Variants in NDUFAF2 observed in about 807,000 individuals in gnomAD.
The protein encoded by NDUFAF2 is NADH dehydrogenase [ubiquinone] 1 alpha subcomplex assembly factor 2.
A neutral mutation model predicts 22.8 loss-of-function variants in NDUFAF2; 13 were observed. The ratio of observed to expected loss-of-function variants is 0.57; its 90% CI spans 0.37 to 0.91. NDUFAF2 has a LOEUF of 0.91. NDUFAF2 is among the 40% of genes least tolerant of loss of function. NDUFAF2 has a pLI of 0.01. For missense variants in NDUFAF2, 162 were observed against 195.2 expected, an observed-to-expected ratio of 0.83 and a Z score of 1.01; for synonymous variants, 53 against 64.2, an observed-to-expected ratio of 0.83 and a Z score of 0.84.
chr5:61,135,514 A>G (rs1157688032), intron 3 of NDUFAF2, among the ~76,000 whole-genome samples: 6 of 152,198 alleles, frequency 3.9e-5, no homozygotes, highest in African/African-American at 1.4e-4. Context: ...ATATTAAAAC[A>G]TATTAATTGG....
chr5:60,992,445 T>G (rs748508561), intron 1 of NDUFAF2, among the ~76,000 whole-genome samples: 1 of 152,216 alleles, frequency 6.6e-6, no homozygotes, highest in Non-Finnish European at 1.5e-5. Flanking sequence ...GAGGTTTAGA[T>G]GTAAGTTTTT....
At chr5:61,148,970 GTT>G (rs1372209546) in intron 3 of NDUFAF2, among the ~76,000 whole-genome samples, 8 of 151,958 alleles carry the variant, frequency 5.3e-5, no homozygotes, top group African/African-American at 1.9e-4. Flanking sequence ...GGTATTGTTG[GTT>G]TATTCATTTA....
chr5:61,076,639 ACT>A (rs1561558272), intron 2 of NDUFAF2, among the ~76,000 whole-genome samples: 1 of 152,050 alleles, frequency 6.6e-6, no homozygotes, highest in Non-Finnish European at 1.5e-5. Context: ...CATTTTAAAG[ACT>A]CTGGCTTTTA....
At chr5:60,951,353 A>G (rs1015055327) in intron 1 of NDUFAF2, among the ~76,000 whole-genome samples, 2 of 152,188 alleles carry the variant, frequency 1.3e-5, no homozygotes, top group Admixed American at 6.5e-5. Context: ...TTATTGCTAA[A>G]TAATATTCTG....
chr5:61,091,670 G>A (rs1333456195), intron 2 of NDUFAF2, among the ~76,000 whole-genome samples: 1 of 152,174 alleles, frequency 6.6e-6, no homozygotes, highest in Non-Finnish European at 1.5e-5. Flanking sequence ...AAGTTCTTCA[G>A]TTTAATTATA....
At chr5:60,982,319 C>G (rs899798243) in intron 1 of NDUFAF2, among the ~76,000 whole-genome samples, 1 of 152,012 alleles carries the variant, frequency 6.6e-6, no homozygotes, top group Non-Finnish European at 1.5e-5. Context: ...CAAGGAGGAG[C>G]AAGTCATATC....
At chr5:61,059,355 A>G (rs538154595) in intron 1 of NDUFAF2, among the ~76,000 whole-genome samples, 34 of 152,192 alleles carry the variant, frequency 2.2e-4, no homozygotes, top group Middle Eastern at 3.4e-3. Context: ...AATTTACAAT[A>G]GGTTAATCTT....
At chr5:61,027,298 CTTTT>C (rs150340157) in intron 1 of NDUFAF2, among the ~76,000 whole-genome samples, 1 of 136,046 alleles carries the variant, frequency 7.4e-6, no homozygotes. Flanking sequence ...TACACGTGGA[CTTTT>C]TTTTTTTTTT....
intron 1 of NDUFAF2, among the ~76,000 whole-genome samples, chr5:60,998,355 G>A (rs1165752745): frequency 6.6e-6 from 1 of 152,022 alleles, no homozygotes; most frequent in African/African-American, 2.4e-5. Context: ...ATGAAATAAG[G>A]TATGTGAAAC....
intron 1 of NDUFAF2, among the ~76,000 whole-genome samples, chr5:60,946,326 G>A (rs1035588780): frequency 6.6e-6 from 1 of 152,150 alleles, no homozygotes; most frequent in African/African-American, 2.4e-5. Context: ...GATAATATAA[G>A]ATCAGCAATG....
At chr5:61,060,370 G>A (rs1034947660) in intron 1 of NDUFAF2, among the ~76,000 whole-genome samples, 19 of 152,116 alleles carry the variant, frequency 1.2e-4, no homozygotes, top group Admixed American at 5.2e-4. Flanking sequence ...TATATGTAGC[G>A]TGGTGCTTGG....
At chr5:60,987,989 G>A (rs568867881) in intron 1 of NDUFAF2, among the ~76,000 whole-genome samples, 3 of 152,258 alleles carry the variant, frequency 2.0e-5, no homozygotes, top group African/African-American at 7.2e-5. Context: ...CAGACTATCC[G>A]TTTGCAGAAA....
chr5:61,114,517 T>G (rs1752886499), intron 3 of NDUFAF2: 1 of 152,246 alleles, frequency 6.6e-6, no homozygotes, highest in African/African-American at 2.4e-5. Context: ...TCTCTGTCTC[T>G]CTAGGATTCT....
chr5:61,096,924 A>G (rs1395520979), intron 2 of NDUFAF2, among the ~76,000 whole-genome samples: 1 of 152,162 alleles, frequency 6.6e-6, no homozygotes, highest in Non-Finnish European at 1.5e-5. Context: ...AGATCACACC[A>G]TTGCACTACA....
chr5:61,147,120 T>C (rs1023633096), intron 3 of NDUFAF2, among the ~76,000 whole-genome samples: 1 of 152,206 alleles, frequency 6.6e-6, no homozygotes, highest in Non-Finnish European at 1.5e-5. Context: ...TCCTTTCGTC[T>C]TCACCTCTTG....
At chr5:60,963,974 T>A (rs1750722956) in intron 1 of NDUFAF2, among the ~76,000 whole-genome samples, 1 of 152,196 alleles carries the variant, frequency 6.6e-6, no homozygotes, top group Admixed American at 6.5e-5. Context: ...TTGCTTTCAC[T>A]GTGAATAAAA....
At chr5:60,958,662 A>T (rs751390384) in intron 1 of NDUFAF2, among the ~76,000 whole-genome samples, 151 of 152,168 alleles carry the variant, frequency 9.9e-4, no homozygotes, top group Non-Finnish European at 1.8e-3. Flanking sequence ...GTGAATTCAG[A>T]TGTTTACGGA....
chr5:61,076,227 C>G, intron 2 of NDUFAF2, among the ~76,000 whole-genome samples: 1 of 152,016 alleles, frequency 6.6e-6, no homozygotes, highest in East Asian at 1.9e-4. Context: ...CCCGCCACCA[C>G]GCCCGGCTAA....
chr5:61,090,332 A>G (rs962900201), intron 2 of NDUFAF2, among the ~76,000 whole-genome samples: 9 of 152,060 alleles, frequency 5.9e-5, no homozygotes, highest in African/African-American at 2.2e-4. Flanking sequence ...AGCAGCCACA[A>G]ATAATATGTA....
Sources: allele counts gnomAD v4.1 joint callset (sites outside exome capture counted in the v4.1 genomes callset), GRCh38; gene constraint gnomAD v4.1.1; transcripts MANE v1.5; gene names NCBI Gene and HGNC (gene_info 2026-07-23, HGNC 2026-07-21).